Variants in CTTNBP2NL observed in about 807,000 individuals in gnomAD.
CTTNBP2NL encodes CTTNBP2 N-terminal-like protein.
A neutral mutation model predicts 32.5 loss-of-function variants in CTTNBP2NL; 16 were observed. The ratio of observed to expected loss-of-function variants is 0.49; its 90% CI spans 0.33 to 0.75. The LOEUF (loss-of-function observed/expected upper bound fraction) is 0.75. Among genes scored for constraint, CTTNBP2NL ranks in the 30% least tolerant of loss-of-function variants. The probability of loss-of-function intolerance (pLI) is 0.02; values close to 1 mark genes in which losing one functional copy is unlikely to be tolerated. For synonymous variants in CTTNBP2NL, 298 were observed against 289.4 expected, an observed-to-expected ratio of 1.03 and a Z score of -0.30; for missense variants, 645 against 756.0, an observed-to-expected ratio of 0.85 and a Z score of 1.72.
chr1:112,430,906 C>T (rs1323762612), intron 3 of CTTNBP2NL, among the ~76,000 whole-genome samples: 1 of 152,184 alleles, frequency 6.6e-6, no homozygotes, highest in African/African-American at 2.4e-5. Context: ...AAATTATTGT[C>T]TGGCATCAGC....
chr1:112,451,767 C>CAAA (rs1308116077), intron 4 of CTTNBP2NL, among the ~76,000 whole-genome samples: 1 of 56,050 alleles, frequency 1.8e-5, no homozygotes, highest in African/African-American at 4.9e-5. Context: ...AAGACTGTCT[C>CAAA]AAAAAAAAAA....
At position 112,458,750 on chromosome 1, in the gene CTTNBP2NL, T is replaced by G. The variant is rs1488701136; in HGVS notation, c.*1338T>G. 1 of 152,084 alleles carries G rather than the reference T, an allele frequency of 6.6e-6. No homozygotes were observed. Among genetic ancestry groups the G allele is most frequent in the Non-Finnish European group, 1.5e-5 (1 of 68,032 alleles). 9.4% of individuals were successfully genotyped at this position (152,084 alleles called of 1,614,324 possible). On this transcript the variant is annotated 3_prime_UTR_variant, in exon 6 of 6. Coordinates refer to ENST00000271277, the MANE Select transcript of CTTNBP2NL (RefSeq NM_018704.3). The stretch of plus-strand genomic sequence containing the variant: ...ACTTTGGGAGGCTGAGATGGGAGGA[T>G]CTCTTGAGACCAGGTGTTCAAGACC...
At chr1:112,418,201 T>C (rs1649119599) in intron 3 of CTTNBP2NL, among the ~76,000 whole-genome samples, 1 of 152,210 alleles carries the variant, frequency 6.6e-6, no homozygotes, top group African/African-American at 2.4e-5. Context: ...TGGCAAGGCT[T>C]GAGTTTCTTT....
Position 112,457,748 on chromosome 1 carries a change from G to C in CTTNBP2NL, c.*336G>C, listed in dbSNP as rs1035199123. The C allele has an allele frequency of 6.0e-5, 12 of 200,690 alleles. No individual in the cohort carries two copies. Among genetic ancestry groups the C allele is most frequent in the African/African-American group, 2.8e-4 (12 of 43,132 alleles). The allele number at this position is 200,690 out of a possible 1,614,324, so 12.4% of individuals were successfully genotyped here. ...TCACTCAACACTCATTTTGAATTAT[G>C]CAGAAGTGGTTCATGCAGATTTTTA... On this transcript the variant is annotated 3_prime_UTR_variant, in exon 6 of 6. Coordinates refer to ENST00000271277, the MANE Select transcript of CTTNBP2NL (RefSeq NM_018704.3).
In CTTNBP2NL at chr1:112,449,169, A is replaced by G. The variant is rs1650144182; in HGVS notation, c.327A>G (p.Arg109=). ...TGGCTGCTGCTGAGAGCAGGCACCG[A>G]AAGGTAGGTTCACCTCAGTTGATGT... ...SQLAAAESRH[R]KVILDLEEER... is the part of the protein sequence containing the mutation. The change falls in exon 4 of 6, where the codon CGA becomes CGG. Residue 109 remains arginine, a synonymous_variant. Transcript: ENST00000271277. 6.3e-7 allele frequency: 1 copy of G among 1,586,952 alleles called. No individual in the cohort carries two copies. Among genetic ancestry groups the G allele is most frequent in the Admixed American group, 1.7e-5 (1 of 59,888 alleles).
chr1:112,423,941 T>G (rs1570727299), intron 3 of CTTNBP2NL, among the ~76,000 whole-genome samples: 1 of 152,242 alleles, frequency 6.6e-6, no homozygotes, highest in East Asian at 1.9e-4. Flanking sequence ...CGGGCTGGTC[T>G]TGGACTCCTG....
At chr1:112,448,707 A>G (rs1033608246) in intron 3 of CTTNBP2NL, among the ~76,000 whole-genome samples, 1 of 152,196 alleles carries the variant, frequency 6.6e-6, no homozygotes, top group South Asian at 2.1e-4. Context: ...AGTTAATCTG[A>G]CTATAAATAT....
At chr1:112,395,080 T>C (rs1282335418), upstream of CTTNBP2NL, among the ~76,000 whole-genome samples, 1 of 152,254 alleles carries the variant, frequency 6.6e-6, no homozygotes, top group Non-Finnish European at 1.5e-5. Context: ...GCAGGCTGCA[T>C]CTGCCTTGGG....
At chr1:112,440,191 C>T (rs1649857228) in intron 3 of CTTNBP2NL, among the ~76,000 whole-genome samples, 1 of 152,164 alleles carries the variant, frequency 6.6e-6, no homozygotes, top group Admixed American at 6.5e-5. Context: ...CCAGATTTCT[C>T]CAATAGTATT....
chr1:112,455,701 C>G (rs913914109), intron 5 of CTTNBP2NL, among the ~76,000 whole-genome samples: 1 of 152,162 alleles, frequency 6.6e-6, no homozygotes, highest in African/African-American at 2.4e-5. Flanking sequence ...CGTCATATTC[C>G]CACTAATCAC....
chr1:112,448,330 C>T (rs769186513), intron 3 of CTTNBP2NL, among the ~76,000 whole-genome samples: 9 of 152,230 alleles, frequency 5.9e-5, no homozygotes, highest in Non-Finnish European at 1.3e-4. Context: ...TTCATATGTA[C>T]AGGTCACAAG....
chr1:112,404,778 G>T (rs1321907734), intron 1 of CTTNBP2NL, among the ~76,000 whole-genome samples: 2 of 152,236 alleles, frequency 1.3e-5, no homozygotes, highest in African/African-American at 2.4e-5. Flanking sequence ...TCAGCCGGGT[G>T]CAGTGGCTCA....
rs35667800 is a variant in CTTNBP2NL at position 112,412,608 on chromosome 1, CTTTTTTTT to C, written c.-10+310_-10+317del. On this transcript the variant is annotated intron_variant, in intron 2 of 5. Transcript: ENST00000271277. ...TGTAGACACTAAGCTGAGTTGGTAC[CTTTTTTTT>C]TTTTTTTTTTTTTTTTTTGACACAG... 4.2e-3 allele frequency among the ~76,000 whole-genome samples: 370 copies of C among 88,918 alleles called. 1 individual carries two copies. Among genetic ancestry groups the C allele is most frequent in the African/African-American group, 0.019 (340 of 18,068 alleles). The allele number at this position is 88,918 out of a possible 152,430, so 58.3% of individuals were successfully genotyped here. A position where few individuals can be genotyped will look rare whatever the true frequency, so the allele number is the denominator to read the frequency against.
chr1:112,432,116 C>T lies in CTTNBP2NL; in HGVS notation c.99+15852C>T, dbSNP rs189345255. Among the ~76,000 whole-genome samples, 34 of 145,062 alleles carry T rather than the reference C, an allele frequency of 2.3e-4. No individual in the cohort carries two copies. The East Asian group carries it at 6.1e-3, about 26-fold the overall frequency. The stretch of plus-strand genomic sequence containing the variant: ...TGAGACAGAGTCTCACTCTTTCACC[C>T]AGGCTGGAGTGCAGTGGCATGATCT... On this transcript the variant is annotated intron_variant, in intron 3 of 5. Coordinates refer to ENST00000271277, the MANE Select transcript of CTTNBP2NL (RefSeq NM_018704.3).
At chr1:112,452,344 T>C (rs1030814704) in intron 4 of CTTNBP2NL, among the ~76,000 whole-genome samples, 1 of 143,424 alleles carries the variant, frequency 7.0e-6, no homozygotes, top group African/African-American at 2.7e-5. Context: ...TCTTTTTTTT[T>C]TTTTTTTTTT....
chr1:112,430,257 ACT>A (rs1445729274), intron 3 of CTTNBP2NL, among the ~76,000 whole-genome samples: 2 of 148,124 alleles, frequency 1.4e-5, no homozygotes, highest in East Asian at 4.0e-4. Context: ...ACAGGGTCTC[ACT>A]CTGTCGCCCA....
chr1:112,419,092 G>A (rs927991375), intron 3 of CTTNBP2NL, among the ~76,000 whole-genome samples: 9 of 152,204 alleles, frequency 5.9e-5, no homozygotes, highest in South Asian at 4.1e-4. Flanking sequence ...TCTTGAATTC[G>A]TTTCCATTGA....
At chr1:112,452,335 C>CTTCTTTTTTTTTTTTTTT (rs1553227272) in intron 4 of CTTNBP2NL, among the ~76,000 whole-genome samples, 14 of 65,720 alleles carry the variant, frequency 2.1e-4, no homozygotes, top group African/African-American at 8.5e-4. Flanking sequence ...CCAGTCTCTT[C>CTTCTTTTTTTTTTTTTTT]TTTTTTTTTT....
chr1:112,421,752 G>A (rs1649239906), intron 3 of CTTNBP2NL, among the ~76,000 whole-genome samples: 1 of 152,056 alleles, frequency 6.6e-6, no homozygotes, highest in South Asian at 2.1e-4. Context: ...ACAGTTTTGA[G>A]GTGACCCATT....
Sources: gnomAD v4.1 joint callset for allele counts (sites outside exome capture counted in the v4.1 genomes callset) on GRCh38, gnomAD v4.1.1 for gene constraint, MANE v1.5 for transcripts, NCBI Gene and HGNC (gene_info 2026-07-23, HGNC 2026-07-21) for gene names.